The following THSD7B variants were observed in gnomAD, a reference collection of about 807,000 sequenced individuals.
THSD7B encodes thrombospondin type-1 domain-containing protein 7B.
A neutral mutation model predicts 213.6 loss-of-function variants in THSD7B; 138 were observed. That is an observed-to-expected ratio of 0.65 (90% CI 0.56 to 0.74). THSD7B has a LOEUF of 0.74. Ranked by LOEUF, THSD7B falls within the 30% of genes least tolerant of loss-of-function variation. The probability of loss-of-function intolerance (pLI) is 0.00; values close to 1 mark genes in which losing one functional copy is unlikely to be tolerated. For synonymous variants in THSD7B, 742 were observed against 687.0 expected (o/e 1.08, Z -1.25); for missense variants, 1,931 against 1,991.5 (o/e 0.97, Z 0.58).
intron 17 of THSD7B, among the ~76,000 whole-genome samples, chr2:137,587,728 A>T (rs1681769017): frequency 6.6e-6 from 1 of 152,190 alleles, no homozygotes; most frequent in Non-Finnish European, 1.5e-5. Context: ...TGGCCGTGTG[A>T]GGTGTCAATC....
chr2:136,870,552 A>G (rs564226765), intron 1 of THSD7B, among the ~76,000 whole-genome samples: 1 of 152,360 alleles, frequency 6.6e-6, no homozygotes, highest in Admixed American at 6.5e-5. Flanking sequence ...TTACCAACAA[A>G]CAACAAACTA....
intron 7 of THSD7B, among the ~76,000 whole-genome samples, chr2:137,221,163 T>C (rs572810201): frequency 1.1e-4 from 16 of 152,246 alleles, no homozygotes; most frequent in South Asian, 4.1e-4. Flanking sequence ...GGCGGGCACC[T>C]GTAGTCCCAG....
chr2:137,661,217 A>G (rs1467548617), intron 25 of THSD7B, among the ~76,000 whole-genome samples: 5 of 152,180 alleles, frequency 3.3e-5, no homozygotes, highest in African/African-American at 1.2e-4. Context: ...AGAGACAGAT[A>G]GGAATCTTCA....
chr2:136,915,077 G>C (rs1006045946), intron 2 of THSD7B, among the ~76,000 whole-genome samples: 2 of 152,162 alleles, frequency 1.3e-5, no homozygotes, highest in East Asian at 3.8e-4. Context: ...TTCGATGGGA[G>C]TTGGACTGTT....
At chr2:137,460,479 T>A (rs1687862733) in intron 15 of THSD7B, among the ~76,000 whole-genome samples, 1 of 152,114 alleles carries the variant, frequency 6.6e-6, no homozygotes, top group Non-Finnish European at 1.5e-5. Context: ...TTGCTCCTCT[T>A]TTTGCATTTA....
intron 1 of THSD7B, among the ~76,000 whole-genome samples, chr2:136,874,174 T>TTCAG (rs146123235): frequency 0.37 from 55,719 of 151,938 alleles, 13,253 homozygotes; most frequent in Non-Finnish European, 0.54. Context: ...TCTCTCTTGC[T>TTCAG]TCAGTGGGAG....
At chr2:137,068,868 T>C (rs931287466) in intron 3 of THSD7B, among the ~76,000 whole-genome samples, 1 of 152,076 alleles carries the variant, frequency 6.6e-6, no homozygotes, top group African/African-American at 2.4e-5. Context: ...TGTCTTTACT[T>C]CTATAATGTA....
intron 25 of THSD7B, among the ~76,000 whole-genome samples, chr2:137,662,958 G>A (rs1394454443): frequency 1.3e-5 from 2 of 151,652 alleles, no homozygotes; most frequent in Admixed American, 6.6e-5. Context: ...CCAGCTACTC[G>A]GAAGGCTGAG....
In THSD7B at chr2:137,364,910, CA is replaced by C. The variant is rs200906133; in HGVS notation, c.2501-40697del. Among the ~76,000 whole-genome samples, 25 of 152,202 alleles carry C rather than the reference CA, an allele frequency of 1.6e-4. No individual in the cohort carries two copies. In the East Asian group the frequency reaches 4.6e-3, roughly 28 times the overall value. ...AACTACTTTAAAGTTCACATGGAAC[CA>C]AAAAACAGCCCACATTGCCAAGACA... On this transcript the variant is annotated intron_variant, in intron 12 of 27. Transcript: ENST00000409968.
At chr2:137,490,506 A>G (rs1688580778) in intron 15 of THSD7B, among the ~76,000 whole-genome samples, 1 of 152,204 alleles carries the variant, frequency 6.6e-6, no homozygotes, top group Non-Finnish European at 1.5e-5. Context: ...CAGAAGGTAC[A>G]GAGATTTCCC....
At chr2:137,067,719 A>G (rs1417346377) in intron 3 of THSD7B, among the ~76,000 whole-genome samples, 2 of 152,040 alleles carry the variant, frequency 1.3e-5, no homozygotes, top group African/African-American at 4.8e-5. Flanking sequence ...CTTCTTTTAT[A>G]TCAGAGTCTG....
intron 4 of THSD7B, among the ~76,000 whole-genome samples, chr2:137,101,362 G>A (rs1688146290): frequency 6.6e-6 from 1 of 152,122 alleles, no homozygotes; most frequent in African/African-American, 2.4e-5. Flanking sequence ...TTCTATCACA[G>A]CACCGAACAC....
intron 3 of THSD7B, among the ~76,000 whole-genome samples, chr2:137,094,389 G>C (rs557209590): frequency 6.6e-6 from 1 of 152,260 alleles, no homozygotes; most frequent in Admixed American, 6.5e-5. Flanking sequence ...TGTCCAACAT[G>C]GTAAAACCCT....
In THSD7B at chr2:137,658,987, A is replaced by G. The variant is rs554669374; in HGVS notation, c.4376-677A>G. 6.6e-5 allele frequency among the ~76,000 whole-genome samples: 10 copies of G among 152,354 alleles called. No individual in the cohort carries two copies. The South Asian group carries it at 1.2e-3, about 19-fold the overall frequency. On this transcript the variant is annotated intron_variant, in intron 24 of 27. Transcript: ENST00000409968. ...TTGAATTTAGCAAAGTAAGACTAGT[A>G]TGTAAATGATTTTCCAGTTACAGAG...
At position 137,523,965 on chromosome 2, in the gene THSD7B, A is replaced by G. The variant is rs564994875; in HGVS notation, c.3139-39256A>G. On this transcript the variant is annotated intron_variant, in intron 15 of 27. Coordinates refer to ENST00000409968, the MANE Select transcript of THSD7B (RefSeq NM_001316349.2). ...ATACAGTGAGGGGATTTAATTTTAT[A>G]TAAAAGTAGTTTAATGGATTTTTTT... is the stretch of plus-strand genomic sequence containing the variant. Among the ~76,000 whole-genome samples the G allele has an allele frequency of 1.4e-4, 22 of 152,334 alleles. No individual in the cohort carries two copies. In the East Asian group the frequency reaches 3.3e-3, roughly 23 times the overall value.
intron 7 of THSD7B, among the ~76,000 whole-genome samples, chr2:137,212,348 C>T (rs1328013293): frequency 6.6e-6 from 1 of 151,932 alleles, no homozygotes; most frequent in Non-Finnish European, 1.5e-5. Context: ...GAACTTATCT[C>T]AATGGTACAC....
At chr2:136,782,900 TAAAAA>T (rs1188830964) in intron 1 of THSD7B, among the ~76,000 whole-genome samples, 1 of 151,758 alleles carries the variant, frequency 6.6e-6, no homozygotes, top group Non-Finnish European at 1.5e-5. Context: ...ATCTGTTAAT[TAAAAA>T]AAAGAAAAAA....
intron 15 of THSD7B, among the ~76,000 whole-genome samples, chr2:137,499,010 G>A (rs935517446): frequency 5.3e-5 from 8 of 152,278 alleles, no homozygotes; most frequent in South Asian, 4.1e-4. Context: ...AGGAGGTACA[G>A]GATCTCCCTT....
At chr2:137,356,262 A>G (rs1461875828) in intron 12 of THSD7B, among the ~76,000 whole-genome samples, 3 of 152,134 alleles carry the variant, frequency 2.0e-5, no homozygotes, top group Admixed American at 2.0e-4. Flanking sequence ...GCTCAGGGCT[A>G]CTTTCATGAT....
Sources: gnomAD v4.1 joint callset for allele counts (sites outside exome capture counted in the v4.1 genomes callset) on GRCh38, gnomAD v4.1.1 for gene constraint, MANE v1.5 for transcripts, NCBI Gene and HGNC (gene_info 2026-07-23, HGNC 2026-07-21) for gene names.